Variants in IQSEC1 observed in about 807,000 individuals in gnomAD.
IQSEC1 encodes IQ motif and SEC7 domain-containing protein 1.
In IQSEC1, 31 loss-of-function variants were observed where a neutral mutation model predicts 91.0. That is an observed-to-expected ratio of 0.34 (90% CI 0.26 to 0.46). The LOEUF is 0.46. Among genes scored for constraint, IQSEC1 ranks in the 20% least tolerant of loss-of-function variants. The pLI is 1.00. For synonymous variants in IQSEC1, 699 were observed against 662.6 expected, an observed-to-expected ratio of 1.05 and a Z score of -0.84; for missense variants, 1,388 against 1,575.6, an observed-to-expected ratio of 0.88 and a Z score of 2.02.
chr3:12,967,408 A>T lies in IQSEC1; in HGVS notation c.24-25543T>A. On this transcript the variant is annotated intron_variant, in intron 1 of 13. Transcript: ENST00000613206. This position sits in a 1 kb window ranked among gnomAD's most constrained non-coding sequence, Gnocchi z 5.9. ...TCACCCGCTGTCAAGCTCTAGCTCC[A>T]GAAGGGACTGGGTCCTCTCCGAGTT... 6.5e-7 allele frequency: 1 copy of T among 1,535,906 alleles called. No individual in the cohort carries two copies. Among genetic ancestry groups the T allele is most frequent in the Non-Finnish European group, 8.7e-7 (1 of 1,144,866 alleles).
At chr3:13,162,943 C>T (rs555074311) in intron 2 of IQSEC1, among the ~76,000 whole-genome samples, 2 of 152,086 alleles carry the variant, frequency 1.3e-5, no homozygotes, top group African/African-American at 2.4e-5. Context: ...AGCCCAAGTG[C>T]ACCATCCCCA....
intron 1 of IQSEC1, among the ~76,000 whole-genome samples, chr3:12,989,238 C>A (rs1315381946): frequency 6.6e-6 from 1 of 152,204 alleles, no homozygotes; most frequent in Non-Finnish European, 1.5e-5. Flanking sequence ...CCAGTGGTAA[C>A]CCCAGCACCA....
chr3:12,964,137 T>C (rs557591111), intron 1 of IQSEC1, among the ~76,000 whole-genome samples: 1 of 152,334 alleles, frequency 6.6e-6, no homozygotes, highest in Non-Finnish European at 1.5e-5. Context: ...ATAAATGCCA[T>C]CAATTTCCTC....
intron 1 of IQSEC1, among the ~76,000 whole-genome samples, chr3:13,041,122 G>C (rs1261582542): frequency 1.3e-5 from 2 of 152,028 alleles, no homozygotes; most frequent in Admixed American, 6.6e-5. Flanking sequence ...GGAGGGATGA[G>C]GATGAACAAT....
intron 1 of IQSEC1, among the ~76,000 whole-genome samples, chr3:13,222,936 A>G (rs533903113): frequency 6.6e-6 from 1 of 152,394 alleles, no homozygotes; most frequent in Non-Finnish European, 1.5e-5. Context: ...GGCAGTGCCC[A>G]GACTCAGCTC....
At chr3:12,914,586 G>A (rs1695889399) in intron 8 of IQSEC1, among the ~76,000 whole-genome samples, 1 of 152,174 alleles carries the variant, frequency 6.6e-6, no homozygotes, top group Non-Finnish European at 1.5e-5. Context: ...GCTGGGGAGG[G>A]TGAGGGCAGG....
Position 13,059,917 on chromosome 3 carries a change from G to A in IQSEC1, c.23+13075C>T, listed in dbSNP as rs551048513. On this transcript the variant is annotated intron_variant, in intron 1 of 13. Transcript: ENST00000613206. The stretch of plus-strand genomic sequence containing the variant: ...GCCCTCAGAGGCCACAGTCTGATGA[G>A]AGGATTGGGTATGCTCAGGGTTGCT... 7.9e-4 allele frequency among the ~76,000 whole-genome samples: 120 copies of A among 152,362 alleles called. 2 individuals are homozygous for A. The highest frequency in any genetic ancestry group is 9.0e-4 in the Non-Finnish European group (61 of 68,032).
At chr3:12,910,154 T>G (rs1695428410) in intron 10 of IQSEC1, among the ~76,000 whole-genome samples, 1 of 152,190 alleles carries the variant, frequency 6.6e-6, no homozygotes, top group Non-Finnish European at 1.5e-5. Flanking sequence ...ATATCTACAT[T>G]TTGATGTAGA....
chr3:13,205,369 C>T (rs919078962), intron 1 of IQSEC1, among the ~76,000 whole-genome samples: 1 of 152,142 alleles, frequency 6.6e-6, no homozygotes, highest in African/African-American at 2.4e-5. Context: ...AAACGCCCAC[C>T]TGTGCCCAGG....
At chr3:13,148,263 C>A (rs62234200) in intron 2 of IQSEC1, among the ~76,000 whole-genome samples, 2 of 152,094 alleles carry the variant, frequency 1.3e-5, no homozygotes, top group Non-Finnish European at 2.9e-5. Context: ...CTCATCATCG[C>A]CATCCTCACA....
At position 12,941,893 on chromosome 3, in the gene IQSEC1, T is replaced by A. The variant is rs1034087507; in HGVS notation, c.24-28A>T. On this transcript the variant is annotated intron_variant, in intron 1 of 13. Coordinates refer to ENST00000613206, the MANE Select transcript of IQSEC1 (RefSeq NM_001134382.3). ...GCAGAGGAGAGAGAGGTGAGAAGCT[T>A]CTGGTAAGCGGGAAATCTGAACACG... The A allele has an allele frequency of 3.9e-6, 6 of 1,546,010 alleles. No individual in the cohort carries two copies. The African/African-American group carries it at 6.8e-5, about 18-fold the overall frequency.
intron 2 of IQSEC1, among the ~76,000 whole-genome samples, chr3:13,155,080 GAAAC>G (rs373744578): frequency 5.9e-5 from 9 of 152,134 alleles, no homozygotes; most frequent in African/African-American, 9.6e-5. Flanking sequence ...GAACTAGTAA[GAAAC>G]AAACAAAGTA....
At chr3:13,175,129 G>T (rs1476346521) in intron 1 of IQSEC1, among the ~76,000 whole-genome samples, 2 of 152,162 alleles carry the variant, frequency 1.3e-5, no homozygotes. Flanking sequence ...GTCTCTGTCT[G>T]CACGTGACAG....
At chr3:13,109,140 C>T (rs1255891732) in intron 2 of IQSEC1, among the ~76,000 whole-genome samples, 1 of 152,110 alleles carries the variant, frequency 6.6e-6, no homozygotes, top group Non-Finnish European at 1.5e-5. Flanking sequence ...GGGTGGTGTA[C>T]AGGCATTACC....
intron 1 of IQSEC1, among the ~76,000 whole-genome samples, chr3:13,247,988 C>A (rs1166840147): frequency 6.6e-6 from 1 of 152,190 alleles, no homozygotes; most frequent in African/African-American, 2.4e-5. Context: ...TGCCTGTGGT[C>A]AAGTCCAAGC....
intron 1 of IQSEC1, among the ~76,000 whole-genome samples, chr3:13,273,780 G>C (rs1385103032): frequency 6.6e-6 from 1 of 152,098 alleles, no homozygotes; most frequent in Non-Finnish European, 1.5e-5. Context: ...GTCTCCCTTA[G>C]ATCAAAGCCA....
At chr3:13,058,024 A>G (rs1225526434) in intron 1 of IQSEC1, among the ~76,000 whole-genome samples, 1 of 152,218 alleles carries the variant, frequency 6.6e-6, no homozygotes, top group Non-Finnish European at 1.5e-5. Context: ...TATAATCCCC[A>G]TACTTTGGGA....
chr3:13,157,591 A>C (rs1707103153), intron 2 of IQSEC1, among the ~76,000 whole-genome samples: 2 of 152,190 alleles, frequency 1.3e-5, no homozygotes, highest in Non-Finnish European at 2.9e-5. Flanking sequence ...GAGATGGAAA[A>C]GTAAAGTCCA....
intron 1 of IQSEC1, among the ~76,000 whole-genome samples, chr3:12,981,327 A>G (rs947030614): frequency 6.6e-6 from 1 of 152,228 alleles, no homozygotes; most frequent in African/African-American, 2.4e-5. Context: ...ACAAGGTGTC[A>G]GACTGTGTGT....
Sources: allele counts gnomAD v4.1 joint callset (sites outside exome capture counted in the v4.1 genomes callset), GRCh38; gene constraint gnomAD v4.1.1; non-coding constraint Gnocchi (gnomAD v3.1); transcripts MANE v1.5; gene names NCBI Gene and HGNC (gene_info 2026-07-23, HGNC 2026-07-21).